Variants in NRAP observed in about 807,000 individuals in gnomAD.
NRAP encodes nebulin-related-anchoring protein.
NRAP carries 189 observed loss-of-function variants against 225.9 expected under a neutral mutation model. The ratio of observed to expected loss-of-function variants is 0.84; its 90% CI spans 0.74 to 0.94. The LOEUF (loss-of-function observed/expected upper bound fraction) is 0.94. Among genes scored for constraint, NRAP ranks in the 40% least tolerant of loss-of-function variants. The pLI, the probability that NRAP is intolerant of heterozygous loss-of-function variation, is 0.00. For synonymous variants in NRAP, 769 were observed against 790.7 expected (o/e 0.97, Z 0.46); for missense variants, 2,176 against 2,168.7 (o/e 1.00, Z -0.07).
At chr10:113,652,836 C>T in intron 6 of NRAP, 99 bp downstream of exon 6, 3 of 778,964 alleles carry the variant, frequency 3.9e-6, no homozygotes, top group Non-Finnish European at 6.7e-6. Flanking sequence ...GTACCTACTT[C>T]CCCAAAGCAC....
At chr10:113,653,637 T>C (rs1025979501) in intron 5 of NRAP, among the ~76,000 whole-genome samples, 1 of 152,214 alleles carries the variant, frequency 6.6e-6, no homozygotes, top group Non-Finnish European at 1.5e-5. Context: ...GATTGAGGAT[T>C]TCCACAGTCT....
Position 113,663,928 on chromosome 10 carries a change from A to C in NRAP, c.-46T>G. 7.0e-7 allele frequency: 1 copy of C among 1,428,972 alleles called. No homozygotes were observed. The allele number at this position is 1,428,972 out of a possible 1,614,324, so 88.5% of individuals were successfully genotyped here. A position where few individuals can be genotyped will look rare whatever the true frequency, so the allele number is the denominator to read the frequency against. On this transcript the variant is annotated 5_prime_UTR_variant, in exon 1 of 42. Coordinates refer to ENST00000359988, the MANE Select transcript of NRAP (RefSeq NM_198060.4). ...GACAAAGATAGGCAACAGGCAAGAAATGCAAGGAGAACCCCCAGTCTAGTT... is the reference window on the plus strand; with the variant it reads ...GACAAAGATAGGCAACAGGCAAGAACTGCAAGGAGAACCCCCAGTCTAGTT...
Position 113,631,944 on chromosome 10 carries a change from C to G in NRAP, c.1653G>C (p.Trp551Cys). ...CAAATCCTTTCCCCTTTGTCTTCTC[C>G]CAGCCTTCTTTATACTTAACCTGAC... ...LFSEVKYKEGWEKTKGKGFEM... is the reference protein window; with the variant it reads ...LFSEVKYKEGCEKTKGKGFEM... The change falls in exon 17 of 42, where the codon TGG (tryptophan) becomes TGC (cysteine). Residue 551 changes from tryptophan (W) to cysteine (C), a missense_variant. Transcript: ENST00000359988. The G allele has an allele frequency of 6.2e-7, 1 of 1,610,918 alleles. No homozygotes were observed. The highest frequency in any genetic ancestry group is 8.5e-7 in the Non-Finnish European group (1 of 1,177,114).
intron 16 of NRAP, 22 bp from the exon 17 acceptor site, chr10:113,631,986 G>T: frequency 7.1e-7 from 1 of 1,414,438 alleles, no homozygotes; most frequent in Non-Finnish European, 1.0e-6. Flanking sequence ...AACCACAAGT[G>T]AATAGGAGTT....
In NRAP at chr10:113,588,937, T is replaced by C. The variant is rs373760059; in HGVS notation, c.*38A>G. On this transcript the variant is annotated 3_prime_UTR_variant, in exon 42 of 42. Transcript: ENST00000359988. ...TGAAGCCTGTCTCTGGTGAACAAAC[T>C]TCCTCTCTGGCCTCTCAGGAATCAG... 6.5e-7 allele frequency: 1 copy of C among 1,544,220 alleles called. No individual in the cohort carries two copies. The highest frequency in any genetic ancestry group is 8.9e-7 in the Non-Finnish European group (1 of 1,118,604).
At position 113,608,503 on chromosome 10, in the gene NRAP, G is replaced by A. The variant is rs377301664; in HGVS notation, c.3613C>T (p.Arg1205Trp). 1.6e-5 allele frequency: 25 copies of A among 1,606,742 alleles called. No individual in the cohort carries two copies. In the East Asian group the frequency reaches 2.7e-4, roughly 17 times the overall value. The change falls in exon 32 of 42, where the codon CGG (arginine) becomes TGG (tryptophan). Residue 1205 changes from arginine (R) to tryptophan (W), a missense_variant. This residue lies in a region of NRAP where 1,708 missense variants were observed against 1,695.5 expected (regional missense o/e 1.01). Coordinates refer to ENST00000359988, the MANE Select transcript of NRAP (RefSeq NM_198060.4). Reference protein sequence around the residue: ...ASELISESKYRQHPHSFKYTA... With the variant: ...ASELISESKYWQHPHSFKYTA... ...TACTTGAATGAGTGGGGATGCTGCCGATATTTACTCTGAATTCACACACAA... is the reference window on the plus strand; with the variant it reads ...TACTTGAATGAGTGGGGATGCTGCCAATATTTACTCTGAATTCACACACAA...
At chr10:113,653,579 G>A (rs2134176720) in intron 5 of NRAP, among the ~76,000 whole-genome samples, 1 of 152,330 alleles carries the variant, frequency 6.6e-6, no homozygotes, top group South Asian at 2.1e-4. Flanking sequence ...AGTGTACCTA[G>A]AGGTAACCAG....
chr10:113,653,408 C>G (rs77005923), intron 5 of NRAP, among the ~76,000 whole-genome samples: 250 of 152,312 alleles, frequency 1.6e-3, no homozygotes, highest in African/African-American at 5.4e-3. Context: ...AGTAAAATGT[C>G]TCTTTTTCTT....
chr10:113,650,056 C>G lies in NRAP; in HGVS notation c.869G>C (p.Cys290Ser). ...ACATACCTGGCCATATTGGTCTGCA[C>G]ATTCCCTTGTCAAGATGCCCTCAGC... ...IGAEGILTRE[C>S]ADQYGQGYPE... is the part of the protein sequence containing the mutation. The change falls in exon 9 of 42, where the codon TGT (cysteine) becomes TCT (serine). Residue 290 changes from cysteine to serine, a missense_variant. Around this residue, in one of 3 missense-constraint regions of NRAP, gnomAD observed 1,708 missense variants for 1,695.5 expected, o/e 1.01. Transcript: ENST00000359988. 1.2e-6 allele frequency: 2 copies of G among 1,604,980 alleles called. No homozygotes were observed. Among genetic ancestry groups the G allele is most frequent in the South Asian group, 2.2e-5 (2 of 90,908 alleles).
chr10:113,603,566 C>T (rs984797283), intron 35 of NRAP, among the ~76,000 whole-genome samples: 3 of 152,132 alleles, frequency 2.0e-5, no homozygotes, highest in Non-Finnish European at 4.4e-5. Context: ...AAAGCAAAGG[C>T]GAGCAGTCAG....
Position 113,655,513 on chromosome 10 carries a change from T to C in NRAP, c.361-1388A>G, listed in dbSNP as rs1035864865. 2.6e-5 allele frequency among the ~76,000 whole-genome samples: 4 copies of C among 151,210 alleles called. No individual in the cohort carries two copies. In the Admixed American group the frequency reaches 2.6e-4, roughly 10 times the overall value. On this transcript the variant is annotated intron_variant, in intron 4 of 41. Transcript: ENST00000359988. ...CTCTGTCACCTAGGATGGAGTGCAG[T>C]GGCACTATCTCAGCTCACTGCAACC... is the stretch of plus-strand genomic sequence containing the variant.
chr10:113,615,770 G>C lies in NRAP; in HGVS notation c.3020C>G (p.Pro1007Arg), dbSNP rs772992711. Residue 1007 changes from proline to arginine, a missense_variant, in exon 27 of 42, where the codon CCG becomes CGG. Coordinates refer to ENST00000359988, the MANE Select transcript of NRAP (RefSeq NM_198060.4). ...QGENIKHHYT[P>R]TADLPEVLLA... ...CAGGACTTCAGGGAGGTCAGCAGTC[G>C]GTGTGTAATGATGCTTTATGTTTTC... 1 of 1,610,646 alleles carries C rather than the reference G, an allele frequency of 6.2e-7. No homozygotes were observed. The highest frequency in any genetic ancestry group is 2.2e-5 in the East Asian group (1 of 44,868).
In NRAP at chr10:113,597,185, C is replaced by T; in HGVS notation, c.4333-1G>A. On this transcript the variant is annotated splice_acceptor_variant, in intron 36 of 41. Transcript: ENST00000359988. LOFTEE classifies it high-confidence loss of function. Reference sequence around the variant, plus strand: ...TGTCTGGTTTTTTACGGTACTTGGTCTATAAGATAAAGACAAAGATTCTCA... The same window carrying T: ...TGTCTGGTTTTTTACGGTACTTGGTTTATAAGATAAAGACAAAGATTCTCA... 1 of 1,592,586 alleles carries T rather than the reference C, an allele frequency of 6.3e-7. No individual in the cohort carries two copies. Among genetic ancestry groups the T allele is most frequent in the East Asian group, 2.2e-5 (1 of 44,764 alleles).
At chr10:113,637,357 T>C (rs2134072247) in intron 14 of NRAP, among the ~76,000 whole-genome samples, 1 of 152,352 alleles carries the variant, frequency 6.6e-6, no homozygotes, top group Admixed American at 6.5e-5. Flanking sequence ...ATCAGAGCTA[T>C]GATTCAAATC....
intron 3 of NRAP, among the ~76,000 whole-genome samples, chr10:113,661,363 G>T (rs531344857): frequency 6.6e-6 from 1 of 152,218 alleles, no homozygotes; most frequent in South Asian, 2.1e-4. Flanking sequence ...TGAAAATAAG[G>T]TATCTTGGCA....
chr10:113,616,708 G>A (rs1045447070), intron 26 of NRAP, among the ~76,000 whole-genome samples: 7 of 152,208 alleles, frequency 4.6e-5, no homozygotes, highest in African/African-American at 1.4e-4. Flanking sequence ...AATTTTGAAA[G>A]CTATGCCCCC....
chr10:113,624,785 AG>A (rs1225532836), intron 22 of NRAP, 40 bp downstream of exon 22: 9 of 1,447,942 alleles, frequency 6.2e-6, no homozygotes, highest in Non-Finnish European at 7.8e-6. Flanking sequence ...CTATACACAA[AG>A]GGGAGCAGAG....
chr10:113,609,936 G>C (rs1411127073), intron 31 of NRAP, among the ~76,000 whole-genome samples: 2 of 151,496 alleles, frequency 1.3e-5, no homozygotes, highest in East Asian at 3.9e-4. Context: ...TGTCTTAAAT[G>C]GCATGCAGTC....
chr10:113,643,708 C>A (rs1049267045), intron 11 of NRAP, among the ~76,000 whole-genome samples: 1 of 152,110 alleles, frequency 6.6e-6, no homozygotes, highest in Non-Finnish European at 1.5e-5. Context: ...GCAGTTAAGG[C>A]CAACTACCAC....
Sources: gnomAD v4.1 joint callset for allele counts (sites outside exome capture counted in the v4.1 genomes callset) on GRCh38, gnomAD v4.1.1 for gene constraint, gnomAD v4.1.1 regional missense constraint, MANE v1.5 for transcripts, NCBI Gene and HGNC (gene_info 2026-07-23, HGNC 2026-07-21) for gene names.